Variants in PAK5 observed in about 807,000 individuals in gnomAD.
The protein encoded by PAK5 is p21 (RAC1) activated kinase 5, also known as serine/threonine-protein kinase PAK 5.
In PAK5, 16 loss-of-function variants were observed where a neutral mutation model predicts 65.9. The ratio of observed to expected loss-of-function variants is 0.24; its 90% CI spans 0.16 to 0.37. PAK5 has a LOEUF of 0.37. Ranked by LOEUF, PAK5 falls within the 10% of genes least tolerant of loss-of-function variation. The probability of loss-of-function intolerance (pLI) is 1.00; values close to 1 mark genes in which losing one functional copy is unlikely to be tolerated. For synonymous variants in PAK5, 371 were observed against 354.9 expected, an observed-to-expected ratio of 1.05 and a Z score of -0.51; for missense variants, 785 against 903.9, an observed-to-expected ratio of 0.87 and a Z score of 1.69.
chr20:9,735,840 A>C (rs1239668874), intron 1 of PAK5, among the ~76,000 whole-genome samples: 2 of 152,008 alleles, frequency 1.3e-5, no homozygotes, highest in African/African-American at 4.8e-5. Flanking sequence ...AGCCCAGCCA[A>C]CATGACAAAA....
At chr20:9,669,692 C>T (rs6077578) in intron 2 of PAK5, among the ~76,000 whole-genome samples, 21,715 of 151,976 alleles carry the variant, frequency 0.14, 1,884 homozygotes, top group Non-Finnish European at 0.19. Context: ...ATTTACCCTA[C>T]GAGAAGAAAC....
chr20:9,704,823 A>T (rs1197849635), intron 2 of PAK5, among the ~76,000 whole-genome samples: 1 of 152,196 alleles, frequency 6.6e-6, no homozygotes, highest in Non-Finnish European at 1.5e-5. Context: ...CCAGCAAAGC[A>T]TCTGCTATGT....
chr20:9,625,149 C>A (rs1203876417), intron 3 of PAK5, among the ~76,000 whole-genome samples: 1 of 152,164 alleles, frequency 6.6e-6, no homozygotes, highest in Non-Finnish European at 1.5e-5. Flanking sequence ...CCACCTTTAA[C>A]CACCTCCATC....
At chr20:9,546,614 C>T (rs2045348495) in intron 7 of PAK5, among the ~76,000 whole-genome samples, 1 of 151,988 alleles carries the variant, frequency 6.6e-6, no homozygotes, top group South Asian at 2.1e-4. Context: ...TTACAGGAGA[C>T]CGAAGAGAAA....
intron 3 of PAK5, among the ~76,000 whole-genome samples, chr20:9,592,772 T>G (rs1230803806): frequency 2.0e-5 from 3 of 152,070 alleles, no homozygotes; most frequent in African/African-American, 7.2e-5. Context: ...CAGTTTAAGC[T>G]GAAAGGAGAT....
chr20:9,696,001 T>C (rs767490971), intron 2 of PAK5, among the ~76,000 whole-genome samples: 2 of 152,082 alleles, frequency 1.3e-5, no homozygotes, highest in African/African-American at 2.4e-5. Flanking sequence ...TTTAATAATA[T>C]ATTTTATTTA....
At chr20:9,686,250 C>G (rs2047717481) in intron 2 of PAK5, among the ~76,000 whole-genome samples, 1 of 152,104 alleles carries the variant, frequency 6.6e-6, no homozygotes, top group Non-Finnish European at 1.5e-5. Context: ...GAAGCTGACC[C>G]ATGTGGACCA....
chr20:9,704,196 C>T (rs1304552573), intron 2 of PAK5, among the ~76,000 whole-genome samples: 1 of 152,150 alleles, frequency 6.6e-6, no homozygotes, highest in Non-Finnish European at 1.5e-5. Context: ...TAGTCAGATC[C>T]TGGGCCTGTG....
At chr20:9,706,638 C>T (rs1906842810) in intron 2 of PAK5, among the ~76,000 whole-genome samples, 1 of 151,582 alleles carries the variant, frequency 6.6e-6, no homozygotes, top group East Asian at 1.9e-4. Flanking sequence ...GCCACCATTC[C>T]TGGCTAATTT....
intron 7 of PAK5, among the ~76,000 whole-genome samples, chr20:9,552,177 T>C (rs1481822000): frequency 1.3e-5 from 2 of 152,230 alleles, no homozygotes; most frequent in Admixed American, 6.5e-5. Flanking sequence ...AATCAATTTA[T>C]AGTAAAAAGA....
intron 1 of PAK5, among the ~76,000 whole-genome samples, chr20:9,823,561 C>T (rs1379050917): frequency 6.6e-6 from 1 of 152,222 alleles, no homozygotes; most frequent in Non-Finnish European, 1.5e-5. Flanking sequence ...TTGCCTTCCG[C>T]CATGTAAGAC....
chr20:9,672,068 C>T (rs374513645), intron 2 of PAK5, among the ~76,000 whole-genome samples: 61 of 151,698 alleles, frequency 4.0e-4, no homozygotes, highest in African/African-American at 1.4e-3. Context: ...AGATAATCAG[C>T]GAGGAAGGAC....
intron 4 of PAK5, among the ~76,000 whole-genome samples, chr20:9,569,803 A>C (rs2045745356): frequency 6.6e-6 from 1 of 151,916 alleles, no homozygotes; most frequent in Non-Finnish European, 1.5e-5. Flanking sequence ...TTCTACAATG[A>C]CAGTGCCTGG....
chr20:9,696,507 T>C (rs2047871814), intron 2 of PAK5, among the ~76,000 whole-genome samples: 1 of 152,156 alleles, frequency 6.6e-6, no homozygotes, highest in South Asian at 2.1e-4. Flanking sequence ...AGTCAGGTTA[T>C]CATCTCACAT....
At chr20:9,796,263 G>A (rs1391949665) in intron 1 of PAK5, among the ~76,000 whole-genome samples, 2 of 152,108 alleles carry the variant, frequency 1.3e-5, no homozygotes, top group African/African-American at 4.8e-5. Context: ...GAGAAGAACA[G>A]AGGGAACAAC....
chr20:9,666,451 G>GAGAA (rs983845718), intron 2 of PAK5, among the ~76,000 whole-genome samples: 2 of 124,888 alleles, frequency 1.6e-5, no homozygotes, highest in South Asian at 2.6e-4. Context: ...AAAAAAAAAA[G>GAGAA]AGAAAGAAAG....
intron 2 of PAK5, among the ~76,000 whole-genome samples, chr20:9,671,156 A>G (rs2047491246): frequency 6.6e-6 from 1 of 152,208 alleles, no homozygotes; most frequent in Non-Finnish European, 1.5e-5. Flanking sequence ...TACCAGTAGC[A>G]TGCTGTTTGG....
chr20:9,694,043 G>A (rs537917584), intron 2 of PAK5, among the ~76,000 whole-genome samples: 69 of 151,626 alleles, frequency 4.6e-4, no homozygotes, highest in African/African-American at 1.6e-3. Flanking sequence ...ATCTCTATTA[G>A]CTAGATGACA....
chr20:9,641,465 C>T (rs1280678856), intron 3 of PAK5, among the ~76,000 whole-genome samples: 1 of 120,992 alleles, frequency 8.3e-6, no homozygotes, highest in African/African-American at 2.8e-5. Flanking sequence ...TATTTACAAT[C>T]CCTGAGCTAG....
Sources: allele counts gnomAD v4.1 joint callset (sites outside exome capture counted in the v4.1 genomes callset), GRCh38; gene constraint gnomAD v4.1.1; transcripts MANE v1.5; gene names NCBI Gene and HGNC (gene_info 2026-07-23, HGNC 2026-07-21).